AUTS2: variants seen among roughly 807,000 people sequenced by gnomAD.
AUTS2 encodes the protein autism susceptibility gene 2 protein.
AUTS2 carries 17 observed loss-of-function variants against 112.4 expected under a neutral mutation model. The observed-to-expected ratio is 0.15, with a 90% CI of 0.10 to 0.23. The LOEUF (loss-of-function observed/expected upper bound fraction) is 0.23. AUTS2 is among the 10% of genes least tolerant of loss of function. The probability of loss-of-function intolerance (pLI) is 1.00; values close to 1 mark genes in which losing one functional copy is unlikely to be tolerated. For missense variants in AUTS2, 1,510 were observed against 1,701.6 expected, an observed-to-expected ratio of 0.89 and a Z score of 1.98; for synonymous variants, 751 against 702.7, an observed-to-expected ratio of 1.07 and a Z score of -1.09.
chr7:69,688,742 G>A (rs1050921441), intron 1 of AUTS2, among the ~76,000 whole-genome samples: 34 of 152,100 alleles, frequency 2.2e-4, no homozygotes, highest in African/African-American at 7.7e-4. Context: ...CTATTTAGCT[G>A]TAGTTTTGTA....
intron 1 of AUTS2, among the ~76,000 whole-genome samples, chr7:69,862,979 G>C (rs1292697654): frequency 1.3e-5 from 2 of 152,166 alleles, no homozygotes; most frequent in East Asian, 3.9e-4. Context: ...GATTAGTGAA[G>C]AGATTTCCGA....
chr7:70,607,192 C>T (rs1205641156), intron 5 of AUTS2, among the ~76,000 whole-genome samples: 1 of 152,128 alleles, frequency 6.6e-6, no homozygotes, highest in Admixed American at 6.5e-5. Context: ...GATTGGATTA[C>T]AGTTCCTTTA....
intron 5 of AUTS2, among the ~76,000 whole-genome samples, chr7:70,672,553 T>C (rs1393707726): frequency 2.0e-5 from 3 of 152,118 alleles, no homozygotes; most frequent in African/African-American, 4.8e-5. Context: ...GGCAGCTGAA[T>C]AGATAATAGT....
intron 2 of AUTS2, among the ~76,000 whole-genome samples, chr7:70,040,946 C>T (rs751010996): frequency 6.6e-6 from 1 of 152,190 alleles, no homozygotes; most frequent in African/African-American, 2.4e-5. Flanking sequence ...GATATCTATA[C>T]TAACTTGATT....
chr7:69,809,238 C>G (rs941187768), intron 1 of AUTS2, among the ~76,000 whole-genome samples: 4 of 152,060 alleles, frequency 2.6e-5, no homozygotes, highest in African/African-American at 9.7e-5. Context: ...CCACGCCTGG[C>G]TAATTTTTTG....
chr7:70,747,279 A>C (rs1225265586), intron 6 of AUTS2, among the ~76,000 whole-genome samples: 1 of 152,232 alleles, frequency 6.6e-6, no homozygotes, highest in African/African-American at 2.4e-5. Context: ...CGAAGCATCA[A>C]CTTGGTTGTC....
At chr7:69,753,149 A>G (rs1223976546) in intron 1 of AUTS2, among the ~76,000 whole-genome samples, 2 of 152,164 alleles carry the variant, frequency 1.3e-5, no homozygotes, top group Non-Finnish European at 2.9e-5. Flanking sequence ...GGAAAACTTA[A>G]ATGTGATCAT....
chr7:70,599,120 G>C (rs1274660506), intron 5 of AUTS2, among the ~76,000 whole-genome samples: 1 of 152,194 alleles, frequency 6.6e-6, no homozygotes, highest in South Asian at 2.1e-4. Flanking sequence ...GTCAGCACTT[G>C]TCTGCTGGTT....
chr7:70,665,443 C>CTATTTATCTATT (rs1278388264), intron 5 of AUTS2, among the ~76,000 whole-genome samples: 9 of 104,630 alleles, frequency 8.6e-5, no homozygotes, highest in Non-Finnish European at 1.6e-4. Flanking sequence ...ATTTATTTAT[C>CTATTTATCTATT]TATTTATCTA....
intron 4 of AUTS2, among the ~76,000 whole-genome samples, chr7:70,413,815 C>T (rs1794878776): frequency 6.6e-6 from 1 of 152,138 alleles, no homozygotes; most frequent in South Asian, 2.1e-4. Flanking sequence ...GCTGGGACTA[C>T]AGGTATATAC....
chr7:70,566,543 AC>A (rs1197670243), intron 5 of AUTS2, among the ~76,000 whole-genome samples: 1 of 152,232 alleles, frequency 6.6e-6, no homozygotes, highest in Non-Finnish European at 1.5e-5. Context: ...GGAACATTAT[AC>A]AAAAAAATAG....
intron 4 of AUTS2, among the ~76,000 whole-genome samples, chr7:70,306,374 G>T (rs1441892328): frequency 6.6e-6 from 1 of 152,206 alleles, no homozygotes; most frequent in African/African-American, 2.4e-5. Flanking sequence ...AATTCTTGGA[G>T]CATGTGCTGT....
rs78874349 is a variant in AUTS2 at position 70,029,420 on chromosome 7, T to G, written c.523-88712T>G. On this transcript the variant is annotated intron_variant, in intron 2 of 18. Coordinates refer to ENST00000342771, the MANE Select transcript of AUTS2 (RefSeq NM_015570.4). The stretch of plus-strand genomic sequence containing the variant: ...ATTTCAGATGTTCACCTGTTTTTCT[T>G]TGAGCTCCTTGAGTATGGAGATGGT... Among the ~76,000 whole-genome samples, 441 of 152,256 alleles carry G rather than the reference T, an allele frequency of 2.9e-3. 5 individuals carry two copies. The highest frequency in any genetic ancestry group is 0.01 in the African/African-American group (428 of 41,550).
At chr7:70,641,997 A>G (rs1805859310) in intron 5 of AUTS2, among the ~76,000 whole-genome samples, 1 of 152,308 alleles carries the variant, frequency 6.6e-6, no homozygotes, top group East Asian at 1.9e-4. Flanking sequence ...TCAAGCACAC[A>G]CTGTCACCAT....
In AUTS2 at chr7:70,451,406, A is replaced by G. The variant is rs140652442; in HGVS notation, c.690+15625A>G. Among the ~76,000 whole-genome samples, 410 of 152,278 alleles carry G rather than the reference A, an allele frequency of 2.7e-3. 1 individual carries two copies. The highest frequency in any genetic ancestry group is 9.0e-3 in the African/African-American group (374 of 41,544). On this transcript the variant is annotated intron_variant, in intron 5 of 18. Coordinates refer to ENST00000342771, the MANE Select transcript of AUTS2 (RefSeq NM_015570.4). ...TTTTTAAACTACAAAATAACTGTAT[A>G]TTAATCGTAGCACTTGATATTTGTA...
At chr7:69,973,724 G>A (rs945868039) in intron 2 of AUTS2, among the ~76,000 whole-genome samples, 1 of 151,944 alleles carries the variant, frequency 6.6e-6, no homozygotes, top group African/African-American at 2.4e-5. Context: ...CTATTAATAC[G>A]GTAGAGTACA....
intron 4 of AUTS2, among the ~76,000 whole-genome samples, chr7:70,321,196 G>A (rs1027392808): frequency 3.3e-5 from 5 of 152,172 alleles, no homozygotes; most frequent in Non-Finnish European, 5.9e-5. Context: ...CTAGTAAAAG[G>A]TAGAGATGAT....
At chr7:70,182,927 C>T (rs1307221183) in intron 4 of AUTS2, among the ~76,000 whole-genome samples, 1 of 152,134 alleles carries the variant, frequency 6.6e-6, no homozygotes, top group African/African-American at 2.4e-5. Context: ...CTATCATGCC[C>T]TTCTACTTAT....
chr7:70,247,560 A>G (rs974765498), intron 4 of AUTS2, among the ~76,000 whole-genome samples: 11 of 152,216 alleles, frequency 7.2e-5, no homozygotes, highest in Admixed American at 5.2e-4. Context: ...TATGTGTTCT[A>G]AAATTTACTG....
Sources: allele counts gnomAD v4.1 joint callset (sites outside exome capture counted in the v4.1 genomes callset), GRCh38; gene constraint gnomAD v4.1.1; transcripts MANE v1.5; gene names NCBI Gene and HGNC (gene_info 2026-07-23, HGNC 2026-07-21).